The following STAG3 variants were observed in gnomAD, a reference collection of about 807,000 sequenced individuals.
The protein encoded by STAG3 is cohesin subunit SA-3.
In STAG3, 101 loss-of-function variants were observed where a neutral mutation model predicts 160.7. The observed-to-expected ratio is 0.63, with a 90% CI of 0.54 to 0.74. STAG3 has a LOEUF of 0.74. STAG3 is among the 30% of genes least tolerant of loss of function. The pLI is 0.00. For synonymous variants in STAG3, 519 were observed against 585.0 expected (o/e 0.89, Z 1.63); for missense variants, 1,188 against 1,517.4 (o/e 0.78, Z 3.61).
chr7:100,200,801 G>T lies in STAG3; in HGVS notation c.1893G>T (p.Glu631Asp), dbSNP rs761974715. The stretch of plus-strand genomic sequence containing the variant: ...AGCTGTTCCTGCAGCAACTCCAGGA[G>T]GTGGTGGTGAAGCATGCAGAGCCAG... ...HLELFLQQLQ[E>D]VVVKHAEPAV... Residue 631 changes from glutamate (E) to aspartate (D), a missense_variant, in exon 19 of 34, where the codon GAG becomes GAT. Coordinates refer to ENST00000615138, the MANE Select transcript of STAG3 (RefSeq NM_001282717.2). 1 of 1,614,244 alleles carries T rather than the reference G, an allele frequency of 6.2e-7. No homozygotes were observed. The highest frequency in any genetic ancestry group is 1.1e-5 in the South Asian group (1 of 91,082).
intron 16 of STAG3, 157 bp from the exon 17 acceptor site, chr7:100,200,079 A>AAG (rs1043639847): frequency 1.7e-6 from 1 of 582,576 alleles, no homozygotes; most frequent in African/African-American, 1.9e-5. Flanking sequence ...AAAAAAAAAA[A>AAG]AAAGGAGTTT....
intron 2 of STAG3, chr7:100,181,516 G>C (rs1799641769): frequency 6.6e-6 from 1 of 152,252 alleles, no homozygotes; most frequent in Non-Finnish European, 1.5e-5. Context: ...TCTCTACAAA[G>C]AGCAGTGATC....
At chr7:100,184,948 C>T (rs1408069800) in intron 4 of STAG3, among the ~76,000 whole-genome samples, 2 of 151,994 alleles carry the variant, frequency 1.3e-5, no homozygotes, top group African/African-American at 4.8e-5. Context: ...CCCTGGAGTT[C>T]TTATGTGTTG....
chr7:100,187,074 C>A (rs962231195), intron 5 of STAG3, among the ~76,000 whole-genome samples: 3 of 151,968 alleles, frequency 2.0e-5, no homozygotes, highest in African/African-American at 7.3e-5. Context: ...CTCTGTTGCC[C>A]AGGCTAGAGT....
chr7:100,217,523 A>G (rs1236002747), downstream of STAG3, among the ~76,000 whole-genome samples: 2 of 77,072 alleles, frequency 2.6e-5, no homozygotes, highest in Non-Finnish European at 6.5e-5. Context: ...AAATGAAGAC[A>G]CAAGACAAAG....
At chr7:100,203,376 G>A (rs570205621) in intron 25 of STAG3, among the ~76,000 whole-genome samples, 319 of 152,008 alleles carry the variant, frequency 2.1e-3, no homozygotes, top group African/African-American at 7.4e-3. Context: ...AGTAAAGACA[G>A]GGTTTCACCA....
intron 8 of STAG3, among the ~76,000 whole-genome samples, chr7:100,194,057 C>T (rs1206675306): frequency 2.7e-5 from 4 of 150,500 alleles, no homozygotes; most frequent in Non-Finnish European, 5.9e-5. Flanking sequence ...AAGTGATTCT[C>T]CTGCCTCAGC....
intron 4 of STAG3, among the ~76,000 whole-genome samples, chr7:100,185,659 A>T (rs1016197304): frequency 3.3e-5 from 5 of 151,984 alleles, no homozygotes; most frequent in African/African-American, 1.2e-4. Context: ...CTGATCATGT[A>T]TGTGGTGTGA....
chr7:100,204,673 A>T lies in STAG3; in HGVS notation c.2849A>T (p.Glu950Val). The part of the protein sequence containing the change: ...LQEHGPQGLN[E>V]LPAFIEMRDL... ...GAGCATGGGCCCCAGGGCCTGAATG[A>T]GCTTCCTGCCTTCATCGAGATGAGG... Residue 950 changes from glutamate (E) to valine (V), a missense_variant, in exon 27 of 34, where the codon GAG (glutamate) becomes GTG (valine). Glu to Val is a moderately radical substitution (Grantham distance 121). Coordinates refer to ENST00000615138, the MANE Select transcript of STAG3 (RefSeq NM_001282717.2). 1 of 1,614,106 alleles carries T rather than the reference A, an allele frequency of 6.2e-7. No homozygotes were observed. Among genetic ancestry groups the T allele is most frequent in the Non-Finnish European group, 8.5e-7 (1 of 1,180,028 alleles).
chr7:100,184,509 C>T (rs1161355372), intron 4 of STAG3, among the ~76,000 whole-genome samples: 2 of 125,774 alleles, frequency 1.6e-5, no homozygotes, highest in South Asian at 2.6e-4. Context: ...TGTTCTGTCG[C>T]CAGGCTGGAG....
chr7:100,187,843 G>A (rs988268651), intron 5 of STAG3, among the ~76,000 whole-genome samples: 14 of 147,416 alleles, frequency 9.5e-5, no homozygotes, highest in African/African-American at 2.5e-4. Flanking sequence ...TGCAACCTCC[G>A]CCTCCCAGGT....
intron 8 of STAG3, 122 bp from the exon 9 acceptor site, chr7:100,195,187 G>A (rs770584959): frequency 3.9e-5 from 32 of 817,698 alleles, no homozygotes; most frequent in Non-Finnish European, 5.9e-5. Context: ...ATAGGATTAC[G>A]GGGGTTCACA....
intron 29 of STAG3, among the ~76,000 whole-genome samples, 198 bp from the exon 30 acceptor site, chr7:100,210,813 G>C (rs1366498722): frequency 6.6e-6 from 1 of 152,150 alleles, no homozygotes; most frequent in African/African-American, 2.4e-5. Flanking sequence ...AATTCTCTAA[G>C]CCTTACTTTT....
Position 100,211,206 on chromosome 7 carries a change from T to A in STAG3, c.3413+21T>A, listed in dbSNP as rs1394658485. 4.5e-6 allele frequency: 7 copies of A among 1,541,778 alleles called. No individual in the cohort carries two copies. In the Admixed American group the frequency reaches 6.2e-5, roughly 14 times the overall value. On this transcript the variant is annotated intron_variant, in intron 30 of 33. Transcript: ENST00000615138. The stretch of plus-strand genomic sequence containing the variant: ...CAGGGGTGAGGCCATGGAGGGAATC[T>A]GGGTGTCTGAGTTCCCAGTTTGGTG...
At chr7:100,197,692 C>T (rs1800776192) in intron 10 of STAG3, 86 bp from the exon 11 acceptor site, 4 of 1,050,968 alleles carry the variant, frequency 3.8e-6, no homozygotes, top group Middle Eastern at 2.0e-4. Context: ...AATGAGGGAT[C>T]GGAGAGGGGA....
rs568230768 is a variant in STAG3 at position 100,198,740 on chromosome 7, C to T, written c.1353-103C>T. On this transcript the variant is annotated intron_variant, in intron 13 of 33. Transcript: ENST00000615138. ...TTGGGGCTTTCCTTAGCTCTCACCT[C>T]CTTTTCCTTTATCATCTCCTTGGGC... The T allele has an allele frequency of 5.6e-4, 703 of 1,263,652 alleles. 3 individuals carry two copies. Among genetic ancestry groups the T allele is most frequent in the South Asian group, 2.1e-3 (177 of 83,358 alleles). The allele number at this position is 1,263,652 out of a possible 1,614,324, so 78.3% of individuals were successfully genotyped here.
chr7:100,193,542 T>C (rs1800473239), intron 8 of STAG3, among the ~76,000 whole-genome samples: 1 of 152,254 alleles, frequency 6.6e-6, no homozygotes. Flanking sequence ...TTGTTGCTTC[T>C]CTATCAGTAT....
chr7:100,212,010 A>C, intron 32 of STAG3, 134 bp downstream of exon 32: 1 of 753,342 alleles, frequency 1.3e-6, no homozygotes, highest in Non-Finnish European at 2.1e-6. Flanking sequence ...GTAAAGGAGG[A>C]CAGGTTATAT....
downstream of STAG3, among the ~76,000 whole-genome samples, chr7:100,217,630 G>A (rs995889567): frequency 6.6e-6 from 1 of 152,118 alleles, no homozygotes; most frequent in African/African-American, 2.4e-5. Context: ...GCTATTTATG[G>A]TATTCAAGGC....
Sources: gnomAD v4.1 joint callset for allele counts (sites outside exome capture counted in the v4.1 genomes callset) on GRCh38, gnomAD v4.1.1 for gene constraint, MANE v1.5 for transcripts, NCBI Gene and HGNC (gene_info 2026-07-23, HGNC 2026-07-21) for gene names.